Variants in MPP4 observed in about 807,000 individuals in gnomAD.
MPP4 encodes the protein MAGUK p55 scaffold protein 4.
In MPP4, 91 loss-of-function variants were observed where a neutral mutation model predicts 98.3. The ratio of observed to expected loss-of-function variants is 0.93; its 90% CI spans 0.78 to 1.10. MPP4 has a LOEUF of 1.10. Ranked by LOEUF, MPP4 falls within the 50% of genes least tolerant of loss-of-function variation. The probability of loss-of-function intolerance (pLI) is 0.00; values close to 1 mark genes in which losing one functional copy is unlikely to be tolerated. For missense variants in MPP4, 744 were observed against 792.9 expected, an observed-to-expected ratio of 0.94 and a Z score of 0.74; for synonymous variants, 261 against 271.8, an observed-to-expected ratio of 0.96 and a Z score of 0.39.
chr2:201,657,239 A>C (rs1297276230), intron 16 of MPP4, among the ~76,000 whole-genome samples: 2 of 152,162 alleles, frequency 1.3e-5, no homozygotes, highest in African/African-American at 4.8e-5. Context: ...GGTTTCACTA[A>C]GACACAGACA....
intron 15 of MPP4, among the ~76,000 whole-genome samples, chr2:201,659,875 T>C (rs372648251): frequency 2.0e-5 from 3 of 152,144 alleles, no homozygotes; most frequent in Non-Finnish European, 4.4e-5. Context: ...CATTTGTTAA[T>C]AGAATGAACT....
chr2:201,654,454 C>A (rs757563374), intron 18 of MPP4, among the ~76,000 whole-genome samples: 4 of 152,018 alleles, frequency 2.6e-5, no homozygotes, highest in Non-Finnish European at 5.9e-5. Flanking sequence ...TAGAAAAAAG[C>A]CATTTTAGAC....
At chr2:201,664,220 GT>G (rs1405604167) in intron 13 of MPP4, 119 bp from the exon 14 acceptor site, 38 of 1,495,062 alleles carry the variant, frequency 2.5e-5, no homozygotes, top group Non-Finnish European at 3.2e-5. Flanking sequence ...CCTTTGTAAA[GT>G]TTTTTTCCTA....
intron 10 of MPP4, among the ~76,000 whole-genome samples, chr2:201,677,336 A>G (rs1436051033): frequency 6.6e-6 from 1 of 152,226 alleles, no homozygotes. Flanking sequence ...CTTGCCAAAA[A>G]TATTTGCTAC....
rs570757739 is a variant in MPP4, at chr2:201,675,278, G to T, written c.930-7C>A. On this transcript the variant is annotated splice_region_variant and splice_polypyrimidine_tract_variant and intron_variant, in intron 10 of 21. Transcript: ENST00000409474. The stretch of plus-strand genomic sequence containing the variant: ...CCAGAATTCCCGTTGCTTCCTATGG[G>T]GGGGAAAAAACCATGCGACAAAAAA... 1.9e-6 allele frequency: 3 copies of T among 1,605,494 alleles called. No homozygotes were observed. The highest frequency in any genetic ancestry group is 2.2e-5 in the East Asian group (1 of 44,662).
chr2:201,667,255 A>ACGCT (rs1196936028), intron 12 of MPP4, among the ~76,000 whole-genome samples: 1 of 152,192 alleles, frequency 6.6e-6, no homozygotes, highest in African/African-American at 2.4e-5. Flanking sequence ...CACGCATCTT[A>ACGCT]CGCTACCATT....
rs188250235 is a variant in MPP4 at position 201,686,213 on chromosome 2, A to C, written c.361-163T>G. ...TTTTATATGAATTAATCCGATCTTC[A>C]CAATAATTCTATGAGGCAGGTACAT... On this transcript the variant is annotated intron_variant, in intron 5 of 21. Transcript: ENST00000409474. Among the ~76,000 whole-genome samples, 5 of 152,342 alleles carry C rather than the reference A, an allele frequency of 3.3e-5. No individual in the cohort carries two copies. The East Asian group carries it at 9.6e-4, about 29-fold the overall frequency.
Position 201,681,498 on chromosome 2 carries a change from T to C in MPP4, c.730A>G (p.Met244Val). Reference protein sequence around the residue: ...VSDPPVNSQQMVYVRAMTEYW... With the variant: ...VSDPPVNSQQVVYVRAMTEYW... ...TTGAAGGCTCAGTAAATTCTTACCA[T>C]CTGCTGGCTATTCACAGGAGGGTCA... Residue 244 changes from methionine to valine, a missense_variant and splice_region_variant, in exon 9 of 22, where the codon ATG becomes GTG. Transcript: ENST00000409474. The C allele has an allele frequency of 6.2e-7, 1 of 1,612,972 alleles. No homozygotes were observed. Among genetic ancestry groups the C allele is most frequent in the Non-Finnish European group, 8.5e-7 (1 of 1,179,028 alleles).
intron 11 of MPP4, among the ~76,000 whole-genome samples, chr2:201,674,285 G>C (rs917189777): frequency 2.0e-5 from 3 of 152,150 alleles, no homozygotes; most frequent in Non-Finnish European, 1.5e-5. Flanking sequence ...ACTTGGGGAG[G>C]GATGTCTTCA....
At chr2:201,671,636 G>A (rs1192920136) in intron 11 of MPP4, among the ~76,000 whole-genome samples, 1 of 151,990 alleles carries the variant, frequency 6.6e-6, no homozygotes, top group Non-Finnish European at 1.5e-5. Flanking sequence ...AACTAACAAA[G>A]ATCAAAAAAG....
rs537963872 is a variant in MPP4 at position 201,648,076 on chromosome 2, G to T, written c.1585-251C>A. ...CTCATTCTGTTGCCCAGGCTGGAGC[G>T]CAGGGGTGGGATCTCTGCTCACTGC... On this transcript the variant is annotated intron_variant, in intron 20 of 21. Coordinates refer to ENST00000409474, the MANE Select transcript of MPP4 (RefSeq NM_033066.3). Among the ~76,000 whole-genome samples the T allele has an allele frequency of 4.7e-4, 71 of 152,278 alleles. No individual in the cohort carries two copies. In the Middle Eastern group the frequency reaches 0.01, roughly 22 times the overall value.
rs1688703135 is a variant in MPP4, at chr2:201,682,829, A to G, written c.660+2T>C. 2.5e-6 allele frequency: 4 copies of G among 1,613,446 alleles called. No individual in the cohort carries two copies. In the South Asian group the frequency reaches 3.3e-5, roughly 13 times the overall value. Reference sequence around the variant, plus strand: ...TAACAAAAAGGCAAAAAGAAGATTTACCAGAATATGGATCACTTGTTCAGG... The same window carrying G: ...TAACAAAAAGGCAAAAAGAAGATTTGCCAGAATATGGATCACTTGTTCAGG... On this transcript the variant is annotated splice_donor_variant, in intron 8 of 21. Transcript: ENST00000409474. LOFTEE classifies it high-confidence loss of function.
intron 18 of MPP4, chr2:201,651,490 T>C (rs578252770): frequency 1.1e-5 from 11 of 985,326 alleles, no homozygotes; most frequent in African/African-American, 1.7e-5. Context: ...TAGGTTAAAG[T>C]CTGTGAATTG....
chr2:201,692,803 T>C, intron 3 of MPP4, 105 bp downstream of exon 3: 2 of 1,467,830 alleles, frequency 1.4e-6, no homozygotes, highest in Non-Finnish European at 1.8e-6. Context: ...CTGTTGTTTA[T>C]AAACTATTCC....
At chr2:201,694,811 G>C (rs997370543) in intron 1 of MPP4, among the ~76,000 whole-genome samples, 1 of 151,184 alleles carries the variant, frequency 6.6e-6, no homozygotes, top group African/African-American at 2.4e-5. Context: ...GTAGAGATGG[G>C]GTCTCACTAT....
In MPP4 at chr2:201,666,331, T is replaced by G. The variant is rs1688172702; in HGVS notation, c.1051+3A>C. The G allele has an allele frequency of 6.4e-7, 1 of 1,556,096 alleles. No homozygotes were observed. Among genetic ancestry groups the G allele is most frequent in the South Asian group, 1.2e-5 (1 of 82,872 alleles). On this transcript the variant is annotated splice_donor_region_variant and intron_variant, in intron 13 of 21. Coordinates refer to ENST00000409474, the MANE Select transcript of MPP4 (RefSeq NM_033066.3). ...CAGCAAAGCAATCAAGAGAAAATGT[T>G]ACCTGCTTCCACACATTTCTCATCA...
At chr2:201,677,672 T>C (rs1224070689) in intron 10 of MPP4, among the ~76,000 whole-genome samples, 1 of 152,176 alleles carries the variant, frequency 6.6e-6, no homozygotes, top group Non-Finnish European at 1.5e-5. Flanking sequence ...CTGAGGCGCT[T>C]GGTGAAGATG....
chr2:201,693,572 C>T (rs1689098749), intron 2 of MPP4, among the ~76,000 whole-genome samples: 1 of 152,072 alleles, frequency 6.6e-6, no homozygotes, highest in African/African-American at 2.4e-5. Context: ...TATTTTTTGA[C>T]AGTATTTTCA....
intron 7 of MPP4, among the ~76,000 whole-genome samples, chr2:201,683,480 G>A (rs1459412679): frequency 2.0e-5 from 3 of 152,172 alleles, no homozygotes; most frequent in Admixed American, 6.5e-5. Flanking sequence ...CAGGCATGGC[G>A]GCTAATGCCT....
Sources: allele counts gnomAD v4.1 joint callset (sites outside exome capture counted in the v4.1 genomes callset), GRCh38; gene constraint gnomAD v4.1.1; transcripts MANE v1.5; gene names NCBI Gene and HGNC (gene_info 2026-07-23, HGNC 2026-07-21).